Variants in C1orf174 observed in about 807,000 individuals in gnomAD.
C1orf174 encodes chromosome 1 open reading frame 174, also known as UPF0688 protein C1orf174.
C1orf174 carries 13 observed loss-of-function variants against 18.4 expected under a neutral mutation model. That is an observed-to-expected ratio of 0.71 (90% confidence interval 0.46 to 1.12). C1orf174 has a LOEUF of 1.12. C1orf174 is among the 50% of genes most tolerant of loss of function. The probability of loss-of-function intolerance (pLI) is 0.00; values close to 1 mark genes in which losing one functional copy is unlikely to be tolerated. For synonymous variants in C1orf174, 100 were observed against 118.3 expected (o/e 0.85, Z 1.01); for missense variants, 309 against 308.0 (o/e 1.00, Z -0.02).
rs1428578925 is a variant in C1orf174 at position 3,889,979 on chromosome 1, T to C, written c.713A>G (p.Asp238Gly). The change falls in exon 4 of 4, where the codon GAC becomes GGC. Residue 238 changes from aspartate to glycine, a missense_variant. Coordinates refer to ENST00000361605, the MANE Select transcript of C1orf174 (RefSeq NM_207356.3). Reference protein sequence around the residue: ...FRAKDDDDDDDDDAEM With the variant: ...FRAKDDDDDDGDDAEM ...TGGCCCCTACATTTCTGCATCATCG[T>C]CGTCGTCATCATCATCATCTTTGGC... 1 of 1,614,152 alleles carries C rather than the reference T, an allele frequency of 6.2e-7. No individual in the cohort carries two copies. Among genetic ancestry groups the C allele is most frequent in the South Asian group, 1.1e-5 (1 of 91,086 alleles).
intron 1 of C1orf174, among the ~76,000 whole-genome samples, chr1:3,894,267 A>G (rs756013221): frequency 6.6e-6 from 1 of 152,146 alleles, no homozygotes; most frequent in Non-Finnish European, 1.5e-5. Context: ...CCAACAGCAG[A>G]TAAGAGAAAT....
At position 3,889,700 on chromosome 1, in the gene C1orf174, G is replaced by GAAAAAAAA; in HGVS notation, c.*252_*259dup. 1.4e-5 allele frequency: 2 copies of GAAAAAAAA among 146,346 alleles called. No homozygotes were observed. Among genetic ancestry groups the GAAAAAAAA allele is most frequent in the African/African-American group, 3.5e-5 (1 of 28,534 alleles). The allele number at this position is 146,346 out of a possible 1,614,324, so 9.1% of individuals were successfully genotyped here. On this transcript the variant is annotated 3_prime_UTR_variant, in exon 4 of 4. Transcript: ENST00000361605. ...ACAAGAGAGAAACTCTGTCTCCAAG[G>GAAAAAAAA]AAAAAAAAAAAAAAAAAAAAAGAAA...
chr1:3,889,137 T>G lies in C1orf174; in HGVS notation c.*823A>C, dbSNP rs1216211167. ...AACATACGACTGCTTTCAAAATATT[T>G]TCAAAATATATTTTATTTCTTTCTT... On this transcript the variant is annotated 3_prime_UTR_variant, in exon 4 of 4. Transcript: ENST00000361605. 2 of 152,230 alleles carry G rather than the reference T, an allele frequency of 1.3e-5. No individual in the cohort carries two copies. The highest frequency in any genetic ancestry group is 3.8e-4 in the East Asian group (2 of 5,196). The allele number at this position is 152,230 out of a possible 1,614,324, so 9.4% of individuals were successfully genotyped here. A position where few individuals can be genotyped will look rare whatever the true frequency, so the allele number is the denominator to read the frequency against.
At chr1:3,900,145 C>G in intron 1 of C1orf174, 27 bp downstream of exon 1, 1 of 1,574,846 alleles carries the variant, frequency 6.3e-7, no homozygotes, top group Non-Finnish European at 8.5e-7. Flanking sequence ...CTGCCCGGCG[C>G]AGCTGCTGCC....
chr1:3,891,091 A>ATATC (rs775729807), intron 2 of C1orf174, 34 bp from the exon 3 acceptor site: 19 of 1,571,434 alleles, frequency 1.2e-5, no homozygotes, highest in Admixed American at 1.9e-5. Context: ...GGAACCAGAC[A>ATATC]TATCTAGCAA....
At chr1:3,893,736 T>A (rs554185956) in intron 1 of C1orf174, among the ~76,000 whole-genome samples, 3 of 152,046 alleles carry the variant, frequency 2.0e-5, no homozygotes, top group Admixed American at 6.6e-5. Context: ...CTTTAAAAAA[T>A]TTTTTTAAAA....
In C1orf174 at chr1:3,889,217, AAG is replaced by A. The variant is rs1638439741; in HGVS notation, c.*741_*742del. The A allele has an allele frequency of 1.3e-5, 2 of 152,164 alleles. No homozygotes were observed. The highest frequency in any genetic ancestry group is 3.8e-4 in the East Asian group (2 of 5,204). The allele number at this position is 152,164 out of a possible 1,614,324, so 9.4% of individuals were successfully genotyped here. A position where few individuals can be genotyped will look rare whatever the true frequency, so the allele number is the denominator to read the frequency against. On this transcript the variant is annotated 3_prime_UTR_variant, in exon 4 of 4. Coordinates refer to ENST00000361605, the MANE Select transcript of C1orf174 (RefSeq NM_207356.3). ...ACATTAGCTCCACATACAGAAATAAAAGAGTTCTTTAAGAACTAGCATTGAAT... is the reference window on the plus strand; with the variant it reads ...ACATTAGCTCCACATACAGAAATAAAAGTTCTTTAAGAACTAGCATTGAAT...
At chr1:3,891,357 G>A (rs1228941077) in intron 2 of C1orf174, 1 of 325,794 alleles carries the variant, frequency 3.1e-6, no homozygotes, top group Non-Finnish European at 5.6e-6. Flanking sequence ...GAATTCTGAA[G>A]CATATATTTA....
intron 2 of C1orf174, 115 bp downstream of exon 2, chr1:3,892,768 G>T: frequency 1.3e-6 from 2 of 1,491,880 alleles, no homozygotes; most frequent in South Asian, 2.7e-5. Flanking sequence ...TCCCCCTCTG[G>T]CAGATAAGTA....
At chr1:3,893,058 A>G (rs974849241) in intron 1 of C1orf174, 62 bp from the exon 2 acceptor site, 17 of 1,561,120 alleles carry the variant, frequency 1.1e-5, no homozygotes, top group African/African-American at 2.7e-5. Flanking sequence ...CATGTAGACG[A>G]GAATTTCCCA....
At position 3,890,014 on chromosome 1, in the gene C1orf174, C is replaced by T. The variant is rs746384290; in HGVS notation, c.678G>A (p.Met226Ile). The T allele has an allele frequency of 6.2e-7, 1 of 1,614,072 alleles. No homozygotes were observed. Among genetic ancestry groups the T allele is most frequent in the African/African-American group, 1.3e-5 (1 of 74,916 alleles). ...CATCATCATCTTTGGCTCTGAAATG[C>T]ATTTTTCTGAACTCTCGTCTGCTCA... ...PSMSRREFRK[M>I]HFRAKDDDDD... is the part of the protein sequence containing the mutation. The change falls in exon 4 of 4, where the codon ATG (methionine) becomes ATA (isoleucine). Residue 226 changes from methionine (M) to isoleucine (I), a missense_variant. Transcript: ENST00000361605.
Position 3,889,792 on chromosome 1 carries a change from C to A in C1orf174, c.*168G>T. 3.1e-6 allele frequency: 2 copies of A among 648,830 alleles called. No individual in the cohort carries two copies. The highest frequency in any genetic ancestry group is 5.5e-6 in the Non-Finnish European group (2 of 361,254). 40.2% of individuals were successfully genotyped at this position (648,830 alleles called of 1,614,324 possible). On this transcript the variant is annotated 3_prime_UTR_variant, in exon 4 of 4. Coordinates refer to ENST00000361605, the MANE Select transcript of C1orf174 (RefSeq NM_207356.3). ...GTTTGAGTTTTAGTTCCCATGAGTA[C>A]ATCCTCCACAGGTATTGGGTGCTTT...
At chr1:3,891,817 C>T in intron 2 of C1orf174, 1 of 986,294 alleles carries the variant, frequency 1.0e-6, no homozygotes, top group Non-Finnish European at 1.2e-6. Context: ...GCCTCAGAGC[C>T]TGGTTTAGAC....
chr1:3,894,944 A>G (rs1267087070), intron 1 of C1orf174, among the ~76,000 whole-genome samples: 2 of 152,226 alleles, frequency 1.3e-5, no homozygotes, highest in African/African-American at 2.4e-5. Context: ...GACTGAGGCA[A>G]CAGAGGTTAC....
chr1:3,898,088 C>T (rs1423161363), intron 1 of C1orf174, among the ~76,000 whole-genome samples: 6 of 152,186 alleles, frequency 3.9e-5, no homozygotes, highest in African/African-American at 1.4e-4. Context: ...ACCTTGAAAG[C>T]CCCAAGAAGA....
At chr1:3,897,996 A>G (rs1471296700) in intron 1 of C1orf174, among the ~76,000 whole-genome samples, 1 of 152,198 alleles carries the variant, frequency 6.6e-6, no homozygotes, top group Non-Finnish European at 1.5e-5. Flanking sequence ...CAGAACTCCA[A>G]ATAGGATACA....
intron 1 of C1orf174, among the ~76,000 whole-genome samples, chr1:3,894,103 C>G (rs751183565): frequency 3.3e-5 from 5 of 152,146 alleles, no homozygotes; most frequent in Non-Finnish European, 5.9e-5. Flanking sequence ...CACAATACCA[C>G]ACTGCACTTA....
intron 1 of C1orf174, among the ~76,000 whole-genome samples, chr1:3,897,468 T>C (rs1008075817): frequency 6.6e-6 from 1 of 152,116 alleles, no homozygotes; most frequent in South Asian, 2.1e-4. Context: ...AGATTATGCA[T>C]GCTGAAGAAC....
In C1orf174 at chr1:3,890,051, G is replaced by A; in HGVS notation, c.641C>T (p.Ser214Phe). 3 of 1,614,164 alleles carry A rather than the reference G, an allele frequency of 1.9e-6. No homozygotes were observed. Among genetic ancestry groups the A allele is most frequent in the South Asian group, 1.1e-5 (1 of 91,076 alleles). The change falls in exon 4 of 4, where the codon TCT becomes TTT. Residue 214 changes from serine to phenylalanine, a missense_variant. Transcript: ENST00000361605. Reference protein sequence around the residue: ...LMQDLPPASSSCPSMSRREFR... With the variant: ...LMQDLPPASSFCPSMSRREFR... ...CTCTCGTCTGCTCATTGAAGGACAAGATGAAGACGCAGGTGGGAGGTCCTT... is the reference window on the plus strand; with the variant it reads ...CTCTCGTCTGCTCATTGAAGGACAAAATGAAGACGCAGGTGGGAGGTCCTT...
Sources: gnomAD v4.1 joint callset for allele counts (sites outside exome capture counted in the v4.1 genomes callset) on GRCh38, gnomAD v4.1.1 for gene constraint, MANE v1.5 for transcripts, NCBI Gene and HGNC (gene_info 2026-07-23, HGNC 2026-07-21) for gene names.